Variants in NSD1 observed in about 807,000 individuals in gnomAD.
NSD1 encodes the protein nuclear receptor binding SET domain protein 1.
NSD1 carries 26 observed loss-of-function variants against 242.7 expected under a neutral mutation model. The ratio of observed to expected loss-of-function variants is 0.11; its 90% CI spans 0.08 to 0.15. The LOEUF (loss-of-function observed/expected upper bound fraction) is 0.15. NSD1 is among the 10% of genes least tolerant of loss of function. NSD1 has a pLI of 1.00. For synonymous variants in NSD1, 1,106 were observed against 1,178.1 expected, an observed-to-expected ratio of 0.94 and a Z score of 1.25; for missense variants, 2,495 against 3,272.8, an observed-to-expected ratio of 0.76 and a Z score of 5.80.
At position 177,210,450 on chromosome 5, in the gene NSD1, T is replaced by C. The variant is rs1281302772; in HGVS notation, c.2051T>C (p.Ile684Thr). The C allele has an allele frequency of 6.2e-7, 1 of 1,614,064 alleles. No homozygotes were observed. The highest frequency in any genetic ancestry group is 8.5e-7 in the Non-Finnish European group (1 of 1,180,004). ...TTATCTATGCAGAAAAATGAAAAGATAAAGTATTCTAGGTTTGCTGCCACA... is the reference window on the plus strand; with the variant it reads ...TTATCTATGCAGAAAAATGAAAAGACAAAGTATTCTAGGTTTGCTGCCACA... ...NMLSMQKNEK[I>T]KYSRFAATNT... Residue 684 changes from isoleucine to threonine, a missense_variant, in exon 5 of 23, where the codon ATA (isoleucine) becomes ACA (threonine). Physicochemically the swap from Ile to Thr is moderately conservative, Grantham distance 89 (BLOSUM62 -1). Transcript: ENST00000439151.
intron 2 of NSD1, among the ~76,000 whole-genome samples, chr5:177,159,224 T>C (rs1408739694): frequency 6.6e-6 from 1 of 151,112 alleles, no homozygotes; most frequent in East Asian, 1.9e-4. Flanking sequence ...TCTTAATTCA[T>C]GAAGGATGAA....
At chr5:177,159,038 TATATATATATGA>T (rs1758504412) in intron 2 of NSD1, among the ~76,000 whole-genome samples, 1 of 144,190 alleles carries the variant, frequency 6.9e-6, no homozygotes, top group Non-Finnish European at 1.5e-5. Context: ...ATGATATATA[TATATATATATGA>T]ATGAATGAAT....
intron 12 of NSD1, among the ~76,000 whole-genome samples, chr5:177,256,353 A>AGCTCAGTAAACCTC (rs1756462045): frequency 7.3e-6 from 1 of 136,998 alleles, no homozygotes; most frequent in African/African-American, 2.8e-5. Context: ...GTGTGATCTC[A>AGCTCAGTAAACCTC]GCTCAGTAAA....
chr5:177,283,670 T>C (rs1759073011), intron 19 of NSD1, 117 bp from the exon 20 acceptor site: 2 of 1,178,338 alleles, frequency 1.7e-6, no homozygotes, highest in South Asian at 1.3e-5. Flanking sequence ...GGATCTTTTC[T>C]CTGAGAGGTT....
chr5:177,290,978 C>T (rs1200745272), intron 21 of NSD1, among the ~76,000 whole-genome samples: 1 of 152,148 alleles, frequency 6.6e-6, no homozygotes, highest in Admixed American at 6.5e-5. Flanking sequence ...GAGGTAGATG[C>T]TAGAGAGGTC....
chr5:177,233,691 C>A (rs1343224854), intron 5 of NSD1, among the ~76,000 whole-genome samples: 1 of 152,020 alleles, frequency 6.6e-6, no homozygotes, highest in East Asian at 1.9e-4. Flanking sequence ...CTAGGGACAT[C>A]TTTTCTGATT....
chr5:177,136,595 C>T (rs950835110), intron 2 of NSD1, among the ~76,000 whole-genome samples: 2 of 151,526 alleles, frequency 1.3e-5, no homozygotes, highest in African/African-American at 4.9e-5. Flanking sequence ...TGATAACTGC[C>T]ACCATTAGCT....
intron 22 of NSD1, among the ~76,000 whole-genome samples, chr5:177,292,654 C>T (rs905123292): frequency 2.0e-5 from 3 of 152,348 alleles, no homozygotes; most frequent in Non-Finnish European, 4.4e-5. Flanking sequence ...TGCTCCCCTA[C>T]GCCTAGTGCA....
intron 20 of NSD1, 58 bp from the exon 21 acceptor site, chr5:177,288,761 T>C: frequency 4.0e-6 from 5 of 1,253,544 alleles, no homozygotes; most frequent in Non-Finnish European, 5.9e-6. Context: ...TTGTAATTAA[T>C]ACAGAAATAA....
intron 2 of NSD1, among the ~76,000 whole-genome samples, chr5:177,159,548 T>C (rs1581164221): frequency 1.3e-5 from 2 of 151,576 alleles, no homozygotes; most frequent in Non-Finnish European, 2.9e-5. Context: ...CCTTCCAAAG[T>C]GCTGAGATTA....
chr5:177,221,179 C>T (rs971261780), intron 5 of NSD1, among the ~76,000 whole-genome samples: 2 of 152,046 alleles, frequency 1.3e-5, no homozygotes, highest in Non-Finnish European at 2.9e-5. Context: ...TGTATTTGGC[C>T]TCATTTTTTG....
At chr5:177,202,959 A>AT (rs2149834890) in intron 3 of NSD1, among the ~76,000 whole-genome samples, 1 of 152,240 alleles carries the variant, frequency 6.6e-6, no homozygotes, top group Admixed American at 6.5e-5. Context: ...TGAAACCAGC[A>AT]TTTACAGAGA....
rs1326239367 is a variant in NSD1, at chr5:177,269,212, T to G, written c.5304-390T>G. On this transcript the variant is annotated intron_variant, in intron 15 of 22. Transcript: ENST00000439151. This position sits in a 1 kb window ranked among gnomAD's most constrained non-coding sequence, Gnocchi z 5.1. ...TCCTTTTTAAAGACCAAATTGTATT[T>G]TATTTTGTATAGTGTACCATGGATA... 2.0e-5 allele frequency among the ~76,000 whole-genome samples: 3 copies of G among 152,214 alleles called. No individual in the cohort carries two copies. Among genetic ancestry groups the G allele is most frequent in the Non-Finnish European group, 4.4e-5 (3 of 68,038 alleles).
At chr5:177,266,457 G>A (rs910823280) in intron 14 of NSD1, 5 of 614,602 alleles carry the variant, frequency 8.1e-6, no homozygotes, top group African/African-American at 1.8e-5. Context: ...GAAACATGGA[G>A]TTGCCGAAGT....
chr5:177,181,337 A>G (rs1315454923), intron 2 of NSD1, among the ~76,000 whole-genome samples: 2 of 151,874 alleles, frequency 1.3e-5, no homozygotes, highest in Admixed American at 1.3e-4. Context: ...ATAAAATACT[A>G]TCAAATGGCA....
At chr5:177,272,410 A>G (rs1227999360) in intron 16 of NSD1, among the ~76,000 whole-genome samples, 1 of 152,126 alleles carries the variant, frequency 6.6e-6, no homozygotes, top group African/African-American at 2.4e-5. Context: ...AGAAAAAAGG[A>G]TAGGTCAGAG....
Position 177,289,040 on chromosome 5 carries a change from C to G in NSD1, c.6258+115C>G, listed in dbSNP as rs1581548475. ...TCTCTTTGAAATTAATGACATTCAGCCAGGCATGGTGGCTCATGCCTGTAA... is the reference window on the plus strand; with the variant it reads ...TCTCTTTGAAATTAATGACATTCAGGCAGGCATGGTGGCTCATGCCTGTAA... On this transcript the variant is annotated intron_variant, in intron 21 of 22. Transcript: ENST00000439151. 3 of 807,980 alleles carry G rather than the reference C, an allele frequency of 3.7e-6. No individual in the cohort carries two copies. In the South Asian group the frequency reaches 4.2e-5, roughly 11 times the overall value. 50.1% of individuals were successfully genotyped at this position (807,980 alleles called of 1,614,324 possible).
At chr5:177,283,982 T>G in intron 20 of NSD1, 54 bp downstream of exon 20, 1 of 1,602,160 alleles carries the variant, frequency 6.2e-7, no homozygotes, top group Non-Finnish European at 8.5e-7. Flanking sequence ...GGGCTTTTGT[T>G]TTTTACAAAC....
intron 4 of NSD1, among the ~76,000 whole-genome samples, chr5:177,204,685 C>T (rs1365621532): frequency 6.6e-6 from 1 of 152,062 alleles, no homozygotes; most frequent in Non-Finnish European, 1.5e-5. Flanking sequence ...AGAGAGGAGG[C>T]AGGGAAGAAG....
Sources: allele counts gnomAD v4.1 joint callset (sites outside exome capture counted in the v4.1 genomes callset), GRCh38; gene constraint gnomAD v4.1.1; non-coding constraint Gnocchi (gnomAD v3.1); transcripts MANE v1.5; gene names NCBI Gene and HGNC (gene_info 2026-07-23, HGNC 2026-07-21).